The following GALNT17 variants were observed in gnomAD, a reference collection of about 807,000 sequenced individuals.
GALNT17 encodes the protein polypeptide N-acetylgalactosaminyltransferase 17, also known as UDP-GalNAc:polypeptide N-acetylgalactosaminyltransferase-like 3.
A neutral mutation model predicts 63.7 loss-of-function variants in GALNT17; 29 were observed. The observed-to-expected ratio is 0.46, with a 90% CI of 0.34 to 0.62. The LOEUF (loss-of-function observed/expected upper bound fraction) is 0.62, where lower values mean the gene tolerates loss of function less well. Among genes scored for constraint, GALNT17 ranks in the 20% least tolerant of loss-of-function variants. The pLI, the probability that GALNT17 is intolerant of heterozygous loss-of-function variation, is 0.01. For synonymous variants in GALNT17, 305 were observed against 318.3 expected (o/e 0.96, Z 0.45); for missense variants, 603 against 799.6 (o/e 0.75, Z 2.97).
chr7:71,597,591 G>A (rs1789906699), intron 6 of GALNT17, among the ~76,000 whole-genome samples: 2 of 152,144 alleles, frequency 1.3e-5, no homozygotes, highest in Admixed American at 1.3e-4. Flanking sequence ...TGAGCTGAAT[G>A]TGGTGTCAGA....
At position 71,681,244 on chromosome 7, in the gene GALNT17, G is replaced by A. The variant is rs527610777; in HGVS notation, c.1500+3938G>A. ...CTGATTTCTAGGTGATGCTGATGCCGCTGGTTTGAGGAAATGGGACTTGAT... is the reference window on the plus strand; with the variant it reads ...CTGATTTCTAGGTGATGCTGATGCCACTGGTTTGAGGAAATGGGACTTGAT... On this transcript the variant is annotated intron_variant, in intron 9 of 10. Transcript: ENST00000333538. Among the ~76,000 whole-genome samples, 114 of 152,278 alleles carry A rather than the reference G, an allele frequency of 7.5e-4. 6 individuals carry two copies. The South Asian group carries it at 0.023, about 31-fold the overall frequency.
At chr7:71,684,827 C>A (rs949054893) in intron 9 of GALNT17, among the ~76,000 whole-genome samples, 5 of 152,108 alleles carry the variant, frequency 3.3e-5, no homozygotes, top group African/African-American at 9.6e-5. Context: ...CCACACCCAG[C>A]TAATTTTTCA....
chr7:71,164,025 G>A (rs1428747197), intron 1 of GALNT17, among the ~76,000 whole-genome samples: 1 of 152,202 alleles, frequency 6.6e-6, no homozygotes, highest in Non-Finnish European at 1.5e-5. Flanking sequence ...TGGAAACAGA[G>A]CATTTCTGTT....
rs897226581 is a variant in GALNT17, at chr7:71,193,075, A to G, written c.238+60035A>G. Among the ~76,000 whole-genome samples the G allele has an allele frequency of 8.2e-4, 93 of 113,496 alleles. 2 individuals are homozygous for G. Among genetic ancestry groups the G allele is most frequent in the African/African-American group, 5.7e-3 (91 of 15,932 alleles). 74.5% of individuals were successfully genotyped at this position (113,496 alleles called of 152,430 possible). On this transcript the variant is annotated intron_variant, in intron 1 of 10. Transcript: ENST00000333538. The stretch of plus-strand genomic sequence containing the variant: ...TTTAACCATCATCTACCATTTATTT[A>G]TTTATTTATTTATTTATTTATTTAT...
At chr7:71,580,533 A>G (rs1302136488) in intron 6 of GALNT17, among the ~76,000 whole-genome samples, 1 of 152,180 alleles carries the variant, frequency 6.6e-6, no homozygotes, top group Non-Finnish European at 1.5e-5. Flanking sequence ...TCTTTTTACT[A>G]AAAAGATAAT....
chr7:71,543,646 A>T (rs994645337), intron 5 of GALNT17, among the ~76,000 whole-genome samples: 1 of 151,656 alleles, frequency 6.6e-6, no homozygotes, highest in Non-Finnish European at 1.5e-5. Context: ...AGTCTAACTG[A>T]TTTCAGCCAG....
chr7:71,281,743 G>T (rs1790781777), intron 1 of GALNT17, among the ~76,000 whole-genome samples: 1 of 152,148 alleles, frequency 6.6e-6, no homozygotes, highest in Non-Finnish European at 1.5e-5. Flanking sequence ...TTGAATTTGG[G>T]AGACAATGAT....
At chr7:71,383,153 A>T (rs999085786) in intron 2 of GALNT17, among the ~76,000 whole-genome samples, 15 of 152,190 alleles carry the variant, frequency 9.9e-5, no homozygotes, top group Non-Finnish European at 1.9e-4. Flanking sequence ...AAGTTCATCC[A>T]TGTGGTAGTA....
chr7:71,479,611 T>C (rs952905068), intron 5 of GALNT17, among the ~76,000 whole-genome samples: 9 of 152,176 alleles, frequency 5.9e-5, no homozygotes, highest in African/African-American at 1.9e-4. Context: ...CTGGAACTCA[T>C]TCATTTGCAT....
chr7:71,293,189 T>C (rs1396083178), intron 1 of GALNT17, among the ~76,000 whole-genome samples: 2 of 152,148 alleles, frequency 1.3e-5, no homozygotes, highest in Admixed American at 6.5e-5. Context: ...TTTCTCAACA[T>C]ACTGATTTCA....
chr7:71,278,764 A>C (rs1464060620), intron 1 of GALNT17, among the ~76,000 whole-genome samples: 1 of 152,130 alleles, frequency 6.6e-6, no homozygotes, highest in Non-Finnish European at 1.5e-5. Context: ...TGAGAACAGC[A>C]TGAGGGTAAC....
At chr7:71,584,207 A>G (rs1326655991) in intron 6 of GALNT17, among the ~76,000 whole-genome samples, 1 of 152,184 alleles carries the variant, frequency 6.6e-6, no homozygotes, top group African/African-American at 2.4e-5. Flanking sequence ...TACAGTCTGG[A>G]AATTTTCCCC....
intron 1 of GALNT17, among the ~76,000 whole-genome samples, chr7:71,294,451 G>C (rs1202429041): frequency 9.2e-6 from 1 of 108,294 alleles, no homozygotes; most frequent in Non-Finnish European, 1.7e-5. Context: ...GTCTTGCTCT[G>C]TCACCCAGGT....
chr7:71,623,388 G>A lies in GALNT17; in HGVS notation c.1081-42023G>A, dbSNP rs189447208. ...CGTGTAAGCGCTTGTTTCTGCTCTC[G>A]GTGGTAGTTTTTTTTCATTTCTATT... On this transcript the variant is annotated intron_variant, in intron 6 of 10. Transcript: ENST00000333538. 4.6e-5 allele frequency among the ~76,000 whole-genome samples: 7 copies of A among 151,572 alleles called. No homozygotes were observed. The East Asian group carries it at 9.7e-4, about 21-fold the overall frequency.
At chr7:71,410,578 A>G (rs1793412446) in intron 3 of GALNT17, among the ~76,000 whole-genome samples, 1 of 152,182 alleles carries the variant, frequency 6.6e-6, no homozygotes, top group Non-Finnish European at 1.5e-5. Flanking sequence ...TATAGGGGCA[A>G]TTTCAAGTCT....
intron 1 of GALNT17, among the ~76,000 whole-genome samples, chr7:71,304,248 A>C (rs1791251092): frequency 6.6e-6 from 1 of 152,212 alleles, no homozygotes; most frequent in African/African-American, 2.4e-5. Flanking sequence ...TACTTTTTGA[A>C]CATTTACAAC....
At chr7:71,544,288 C>T (rs1366732438) in intron 5 of GALNT17, among the ~76,000 whole-genome samples, 7 of 143,272 alleles carry the variant, frequency 4.9e-5, no homozygotes, top group African/African-American at 7.8e-5. Flanking sequence ...CCCACCACCA[C>T]GCCCGGCTAT....
At position 71,316,633 on chromosome 7, in the gene GALNT17, G is replaced by A. The variant is rs566530118; in HGVS notation, c.239-18917G>A. Reference sequence around the variant, plus strand: ...AGCTGACCTGCTGGAGGGAGGAAAGGCTGATGGTACCACCCATACCCGCAT... The same window carrying A: ...AGCTGACCTGCTGGAGGGAGGAAAGACTGATGGTACCACCCATACCCGCAT... On this transcript the variant is annotated intron_variant, in intron 1 of 10. Transcript: ENST00000333538. Among the ~76,000 whole-genome samples, 9 of 152,226 alleles carry A rather than the reference G, an allele frequency of 5.9e-5. No homozygotes were observed. The South Asian group carries it at 1.0e-3, about 18-fold the overall frequency.
chr7:71,398,309 T>G (rs1267939901), intron 3 of GALNT17, among the ~76,000 whole-genome samples: 1 of 152,126 alleles, frequency 6.6e-6, no homozygotes, highest in Non-Finnish European at 1.5e-5. Context: ...TATCTTATCT[T>G]TCGCTATCTG....
Sources: gnomAD v4.1 joint callset for allele counts (sites outside exome capture counted in the v4.1 genomes callset) on GRCh38, gnomAD v4.1.1 for gene constraint, MANE v1.5 for transcripts, NCBI Gene and HGNC (gene_info 2026-07-23, HGNC 2026-07-21) for gene names.